HNRNPA1L2: variants seen among roughly 807,000 people sequenced by gnomAD.
The protein encoded by HNRNPA1L2 is heterogeneous nuclear ribonucleoprotein A1 like 2.
Under a neutral mutation model 18.2 loss-of-function variants are expected in HNRNPA1L2, and 10 were observed. That is an observed-to-expected ratio of 0.55 (90% CI 0.34 to 0.93). The LOEUF (loss-of-function observed/expected upper bound fraction) is 0.93, where lower values mean the gene tolerates loss of function less well. HNRNPA1L2 is among the 40% of genes least tolerant of loss of function. The pLI, the probability that HNRNPA1L2 is intolerant of heterozygous loss-of-function variation, is 0.02. For missense variants in HNRNPA1L2, 308 were observed against 394.4 expected (o/e 0.78, Z 1.85); for synonymous variants, 124 against 138.6 (o/e 0.89, Z 0.74).
chr13:52,620,872 T>C, the HNRNPA1L2 span, among the ~76,000 whole-genome samples: 1 of 130,930 alleles, frequency 7.6e-6, no homozygotes, highest in Middle Eastern at 3.9e-3. Context: ...AGCGAGACCC[T>C]GTCTCAAAAA....
chr13:52,617,685 A>T, the HNRNPA1L2 span: 1 of 447,086 alleles, frequency 2.2e-6, no homozygotes. Context: ...ACTGTCAGGT[A>T]CCGCAGTTCA....
the HNRNPA1L2 span, among the ~76,000 whole-genome samples, chr13:52,632,146 G>A: frequency 6.6e-6 from 1 of 152,064 alleles, no homozygotes; most frequent in Non-Finnish European, 1.5e-5. Flanking sequence ...TAATATAAAA[G>A]GGAACAAATA....
At chr13:52,642,304 T>C (rs1961682868), upstream of HNRNPA1L2, 1 of 754,338 alleles carries the variant, frequency 1.3e-6, no homozygotes, top group Non-Finnish European at 2.2e-6. Flanking sequence ...TATACTTGTC[T>C]TTCTTCCTGT....
the HNRNPA1L2 span, among the ~76,000 whole-genome samples, chr13:52,629,786 A>G: frequency 1.3e-5 from 2 of 152,140 alleles, no homozygotes; most frequent in South Asian, 2.1e-4. Context: ...ACCCACCATC[A>G]ACGAAAAGAA....
chr13:52,618,283 G>A, the HNRNPA1L2 span, among the ~76,000 whole-genome samples: 2 of 152,144 alleles, frequency 1.3e-5, no homozygotes, highest in East Asian at 3.8e-4. Flanking sequence ...TGGAAGAAAA[G>A]TCTGATGAAA....
At position 52,643,164 on chromosome 13, in the gene HNRNPA1L2, T is replaced by C. The variant is rs762784546; in HGVS notation, c.672T>C (p.Gly224=). The change falls in exon 1 of 1, where the codon GGT becomes GGC. Residue 224 remains glycine (G), a synonymous_variant. Coordinates refer to ENST00000357495, the MANE Select transcript of HNRNPA1L2 (RefSeq NM_001389320.1). ...TTGGTCGTGGAGGAAACTTCAGTGG[T>C]CGTGGTGGCTTTGGTGGCAGCTGTG... ...DNFGRGGNFS[G]RGGFGGSCGG... is the part of the protein sequence containing the mutation. 1 of 1,598,016 alleles carries C rather than the reference T, an allele frequency of 6.3e-7. No individual in the cohort carries two copies. The highest frequency in any genetic ancestry group is 1.1e-5 in the South Asian group (1 of 90,982).
chr13:52,637,601 C>A (rs1212018014), upstream of HNRNPA1L2, among the ~76,000 whole-genome samples: 2 of 152,018 alleles, frequency 1.3e-5, no homozygotes, highest in African/African-American at 4.8e-5. Flanking sequence ...AGAGTCCATG[C>A]AATATAATAG....
In HNRNPA1L2 at chr13:52,643,406, A is replaced by G. The variant is rs188609643; in HGVS notation, c.914A>G (p.Tyr305Cys). 6.9e-6 allele frequency: 11 copies of G among 1,598,722 alleles called. No individual in the cohort carries two copies. Among genetic ancestry groups the G allele is most frequent in the South Asian group, 4.4e-5 (4 of 91,058 alleles). ...GCAAAACCACAAAACCAAGGTGGCT[A>G]TGGCGTTTCCAGCAGCAGCAGTAGC... ...YFAKPQNQGG[Y>C]GVSSSSSSYG... The change falls in exon 1 of 1, where the codon TAT (tyrosine) becomes TGT (cysteine). Residue 305 changes from tyrosine to cysteine, a missense_variant. Transcript: ENST00000357495.
upstream of HNRNPA1L2, chr13:52,641,892 G>A (rs544845708): frequency 1.3e-5 from 2 of 152,218 alleles, no homozygotes; most frequent in Non-Finnish European, 1.5e-5. Context: ...TCAGGAGTTT[G>A]GAGGCTTCTG....
chr13:52,636,380 G>A, the HNRNPA1L2 span, among the ~76,000 whole-genome samples: 3 of 152,280 alleles, frequency 2.0e-5, no homozygotes, highest in Non-Finnish European at 2.9e-5. Flanking sequence ...ACCATTTTAC[G>A]TTCCCAGCAG....
At chr13:52,637,729 T>G (rs2138074923), upstream of HNRNPA1L2, among the ~76,000 whole-genome samples, 1 of 152,236 alleles carries the variant, frequency 6.6e-6, no homozygotes, top group South Asian at 2.1e-4. Flanking sequence ...GGTAATTGAG[T>G]AGGGACACTC....
the HNRNPA1L2 span, among the ~76,000 whole-genome samples, chr13:52,619,961 T>G: frequency 2.4e-4 from 37 of 151,542 alleles, no homozygotes; most frequent in Non-Finnish European, 4.4e-4. Context: ...AATTATTTTC[T>G]TAGATTGTAC....
At chr13:52,630,660 A>C in the HNRNPA1L2 span, among the ~76,000 whole-genome samples, 1 of 152,234 alleles carries the variant, frequency 6.6e-6, no homozygotes, top group Non-Finnish European at 1.5e-5. Flanking sequence ...AAAATCAGGC[A>C]CTTGAGTTAA....
chr13:52,642,150 C>T (rs779292335), upstream of HNRNPA1L2: 1 of 301,954 alleles, frequency 3.3e-6, no homozygotes, highest in Non-Finnish European at 6.2e-6. Context: ...ATATTGTTTG[C>T]CAATATGGCC....
chr13:52,619,462 G>A, the HNRNPA1L2 span, among the ~76,000 whole-genome samples: 3 of 152,096 alleles, frequency 2.0e-5, no homozygotes, highest in Admixed American at 2.0e-4. Context: ...ACAAGCGTAC[G>A]TTACCACGCC....
At chr13:52,631,169 G>T in the HNRNPA1L2 span, among the ~76,000 whole-genome samples, 1 of 152,242 alleles carries the variant, frequency 6.6e-6, no homozygotes, top group African/African-American at 2.4e-5. Context: ...TGGACTTATT[G>T]CTTCTGTTGG....
rs780655969 is a variant in HNRNPA1L2, at chr13:52,642,977, T to C, written c.485T>C (p.Ile162Thr). ...TFDDHDSVDK[I>T]VIQKYHTVKG... The stretch of plus-strand genomic sequence containing the variant: ...GACGACCATGACTCCGTGGATAAGA[T>C]TGTCATTCAGAAATACCATACTGTG... The change falls in exon 1 of 1, where the codon ATT becomes ACT. Residue 162 changes from isoleucine (I) to threonine (T), a missense_variant. Coordinates refer to ENST00000357495, the MANE Select transcript of HNRNPA1L2 (RefSeq NM_001389320.1). The C allele has an allele frequency of 4.4e-6, 7 of 1,597,346 alleles. No individual in the cohort carries two copies. Among genetic ancestry groups the C allele is most frequent in the South Asian group, 1.1e-5 (1 of 90,984 alleles).
chr13:52,637,755 A>G (rs975950774), upstream of HNRNPA1L2, among the ~76,000 whole-genome samples: 2 of 152,212 alleles, frequency 1.3e-5, no homozygotes, highest in African/African-American at 2.4e-5. Flanking sequence ...CTTCGACAGT[A>G]CTATCATTCT....
Position 52,643,030 on chromosome 13 carries a change from G to T in HNRNPA1L2, c.538G>T (p.Ala180Ser). Residue 180 changes from alanine to serine, a missense_variant, in exon 1 of 1, where the codon GCC becomes TCC. Ala to Ser is a moderately conservative substitution (Grantham distance 99). Transcript: ENST00000357495. ...VKGHNCEVRK[A>S]LPKQEMASAS... ...GGGCCACAACTGTGAAGTTAGAAAA[G>T]CCCTGCCAAAGCAAGAGATGGCTAG... 1 of 1,597,604 alleles carries T rather than the reference G, an allele frequency of 6.3e-7. No individual in the cohort carries two copies. The highest frequency in any genetic ancestry group is 1.3e-5 in the African/African-American group (1 of 74,956).
Sources: allele counts gnomAD v4.1 joint callset (sites outside exome capture counted in the v4.1 genomes callset), GRCh38; gene constraint gnomAD v4.1.1; transcripts MANE v1.5; gene names NCBI Gene and HGNC (gene_info 2026-07-23, HGNC 2026-07-21).